Variants in OPRM1 observed in about 807,000 individuals in gnomAD.
The protein encoded by OPRM1 is mu-type opioid receptor.
OPRM1 carries 27 observed loss-of-function variants against 31.8 expected under a neutral mutation model. The observed-to-expected ratio is 0.85, with a 90% CI of 0.63 to 1.17. The LOEUF is 1.17. Ranked by LOEUF, OPRM1 falls within the 50% of genes most tolerant of loss-of-function variation. OPRM1 has a pLI of 0.00. For synonymous variants in OPRM1, 196 were observed against 189.9 expected (o/e 1.03, Z -0.26); for missense variants, 536 against 511.1 (o/e 1.05, Z -0.47).
intron 3 of OPRM1, among the ~76,000 whole-genome samples, chr6:154,117,658 T>G (rs1175694309): frequency 1.3e-5 from 2 of 152,192 alleles, no homozygotes; most frequent in Non-Finnish European, 2.9e-5. Context: ...TAATTGCCTG[T>G]GTGACCAGCT....
At chr6:154,152,347 G>GAAA in intron 3 of OPRM1, among the ~76,000 whole-genome samples, 22,921 of 64,008 alleles carry the variant, frequency 0.36, 4,489 homozygotes, top group African/African-American at 0.38. Flanking sequence ...AAGAAAGAAA[G>GAAA]GAAAGAAAGA....
At chr6:154,198,105 A>C (rs1329982487) in intron 3 of OPRM1, among the ~76,000 whole-genome samples, 1 of 152,174 alleles carries the variant, frequency 6.6e-6, no homozygotes, top group African/African-American at 2.4e-5. Context: ...GAATGAGTAA[A>C]GACCTCCAGT....
At chr6:154,062,057 C>T (rs1307406853) in intron 1 of OPRM1, among the ~76,000 whole-genome samples, 3 of 152,008 alleles carry the variant, frequency 2.0e-5, no homozygotes, top group African/African-American at 7.2e-5. Context: ...TTAAATATAA[C>T]AAAATGTTCC....
Position 154,168,085 on chromosome 6 carries a change from T to C in OPRM1, c.1164+76613T>C. 6.4e-7 allele frequency: 1 copy of C among 1,566,130 alleles called. No individual in the cohort carries two copies. Among genetic ancestry groups the C allele is most frequent in the South Asian group, 1.2e-5 (1 of 83,596 alleles). On this transcript the variant is annotated intron_variant, in intron 3 of 3. Transcript: ENST00000337049. The surrounding 1 kb of genome is among the most constrained non-coding windows in gnomAD (Gnocchi z 4.1). ...CTAATGATTTGTACAGCTTCTCCAT[T>C]TCATCATCTTCAGACACTTTTGTCT...
rs770684457 is a variant in OPRM1 at position 154,090,976 on chromosome 6, T to C, written c.668T>C (p.Phe223Ser). ...RQGSIDCTLT[F>S]SHPTWYWENL... Reference sequence around the variant, plus strand: ...GGTTCCATAGATTGTACACTAACATTCTCTCATCCAACCTGGTACTGGGAA... The same window carrying C: ...GGTTCCATAGATTGTACACTAACATCCTCTCATCCAACCTGGTACTGGGAA... Residue 223 changes from phenylalanine (F) to serine (S), a missense_variant, in exon 3 of 4, where the codon TTC (phenylalanine) becomes TCC (serine). Physicochemically the swap from Phe to Ser is radical, Grantham distance 155. Transcript: ENST00000330432. 5 of 1,613,890 alleles carry C rather than the reference T, an allele frequency of 3.1e-6. No homozygotes were observed. The highest frequency in any genetic ancestry group is 4.2e-6 in the Non-Finnish European group (5 of 1,179,894).
intron 3 of OPRM1, among the ~76,000 whole-genome samples, chr6:154,186,336 TTCTG>T (rs1340747387): frequency 6.6e-6 from 1 of 152,220 alleles, no homozygotes; most frequent in East Asian, 1.9e-4. Context: ...CATCTTTGAC[TTCTG>T]TCTTTCTCTT....
Position 154,091,098 on chromosome 6 carries a change from G to A in OPRM1, c.790G>A (p.Val264Ile). ...ACTGATGATCTTGCGCCTCAAGAGTGTCCGCATGCTCTCTGGCTCCAAAGA... is the reference window on the plus strand; with the variant it reads ...ACTGATGATCTTGCGCCTCAAGAGTATCCGCATGCTCTCTGGCTCCAAAGA... ...YGLMILRLKS[V>I]RMLSGSKEKD... The change falls in exon 3 of 4, where the codon GTC becomes ATC. Residue 264 changes from valine to isoleucine, a missense_variant. Transcript: ENST00000330432. 4 of 1,614,152 alleles carry A rather than the reference G, an allele frequency of 2.5e-6. No homozygotes were observed. The highest frequency in any genetic ancestry group is 3.4e-6 in the Non-Finnish European group (4 of 1,180,020).
At chr6:154,112,437 C>A (rs973870069) in intron 3 of OPRM1, among the ~76,000 whole-genome samples, 1 of 152,176 alleles carries the variant, frequency 6.6e-6, no homozygotes, top group Non-Finnish European at 1.5e-5. Flanking sequence ...CACCATGAAC[C>A]CAAATTGCTG....
At chr6:154,184,926 G>T (rs1464068285) in intron 3 of OPRM1, among the ~76,000 whole-genome samples, 1 of 152,032 alleles carries the variant, frequency 6.6e-6, no homozygotes, top group Non-Finnish European at 1.5e-5. Flanking sequence ...TGTGTCACAA[G>T]AAACAAACAT....
intron 3 of OPRM1, among the ~76,000 whole-genome samples, chr6:154,236,803 G>C (rs1470172886): frequency 3.3e-5 from 5 of 152,116 alleles, no homozygotes; most frequent in African/African-American, 1.2e-4. Context: ...CTCAGCATCA[G>C]GGTAGAATCA....
intron 1 of OPRM1, among the ~76,000 whole-genome samples, chr6:154,040,341 C>T (rs1213282273): frequency 6.6e-6 from 1 of 152,106 alleles, no homozygotes; most frequent in Non-Finnish European, 1.5e-5. Flanking sequence ...TGGCAACTTT[C>T]CTACTCCTGC....
chr6:154,221,305 T>G, intron 3 of OPRM1: 2 of 1,613,924 alleles, frequency 1.2e-6, no homozygotes, highest in Non-Finnish European at 1.7e-6. Context: ...GGTCTTGATC[T>G]GTGGATGGCT....
intron 1 of OPRM1, among the ~76,000 whole-genome samples, chr6:154,014,748 A>C (rs1777911946): frequency 6.6e-6 from 1 of 152,172 alleles, no homozygotes; most frequent in Admixed American, 6.5e-5. Flanking sequence ...TCCCATTACT[A>C]TAATGGAAGT....
chr6:154,108,130 C>T (rs944466370), intron 3 of OPRM1: 86 of 579,778 alleles, frequency 1.5e-4, no homozygotes, highest in Non-Finnish European at 2.6e-4. Flanking sequence ...GCGGCACCAT[C>T]GCCTACGGGC....
intron 3 of OPRM1, among the ~76,000 whole-genome samples, chr6:154,140,049 G>A (rs1798157048): frequency 6.6e-6 from 1 of 152,142 alleles, no homozygotes; most frequent in South Asian, 2.1e-4. Flanking sequence ...AGAACGGAGG[G>A]CCTGAAACAT....
intron 3 of OPRM1, among the ~76,000 whole-genome samples, chr6:154,165,336 T>G (rs1280609311): frequency 6.6e-6 from 1 of 152,196 alleles, no homozygotes; most frequent in Non-Finnish European, 1.5e-5. Flanking sequence ...CTCTCTTGAC[T>G]GCTTTGAATT....
At chr6:154,184,487 T>C (rs966814328) in intron 3 of OPRM1, among the ~76,000 whole-genome samples, 5 of 152,104 alleles carry the variant, frequency 3.3e-5, no homozygotes, top group African/African-American at 1.2e-4. Context: ...TAATTCTATT[T>C]ACATTTTTTT....
chr6:154,153,904 A>G (rs1306745910), intron 3 of OPRM1, among the ~76,000 whole-genome samples: 2 of 152,210 alleles, frequency 1.3e-5, no homozygotes, highest in Non-Finnish European at 2.9e-5. Context: ...AAGCTGCTCT[A>G]TTTGTGGTAA....
chr6:154,107,213 T>C (rs1415844111), intron 3 of OPRM1, among the ~76,000 whole-genome samples: 1 of 152,188 alleles, frequency 6.6e-6, no homozygotes, highest in Non-Finnish European at 1.5e-5. Context: ...GTGCCTCCTG[T>C]TTTTCCCAAG....
Sources: allele counts gnomAD v4.1 joint callset (sites outside exome capture counted in the v4.1 genomes callset), GRCh38; gene constraint gnomAD v4.1.1; non-coding constraint Gnocchi (gnomAD v3.1); transcripts MANE v1.5; gene names NCBI Gene and HGNC (gene_info 2026-07-23, HGNC 2026-07-21).